DENND2A: variants seen among roughly 807,000 people sequenced by gnomAD.
DENND2A encodes the protein DENN domain containing 2A.
In DENND2A, 53 loss-of-function variants were observed where a neutral mutation model predicts 105.3. The observed-to-expected ratio is 0.50, with a 90% CI of 0.40 to 0.63. DENND2A has a LOEUF of 0.63. Ranked by LOEUF, DENND2A falls within the 30% of genes least tolerant of loss-of-function variation. The pLI, the probability that DENND2A is intolerant of heterozygous loss-of-function variation, is 0.00. For missense variants in DENND2A, 1,138 were observed against 1,279.6 expected (o/e 0.89, Z 1.69); for synonymous variants, 522 against 508.4 (o/e 1.03, Z -0.36).
At chr7:140,536,197 G>T (rs1308389045) in intron 14 of DENND2A, among the ~76,000 whole-genome samples, 2 of 152,020 alleles carry the variant, frequency 1.3e-5, no homozygotes, top group Non-Finnish European at 2.9e-5. Flanking sequence ...TACTAAAAAT[G>T]CAGAAAAATT....
chr7:140,519,613 C>G lies in DENND2A; in HGVS notation c.2998+19G>C. ...GCTCAGAGGCACACAGGCTGGGCAC[C>G]CAGAGCCCGGGGCCTTACCTAGTCC... On this transcript the variant is annotated intron_variant, in intron 19 of 19. Coordinates refer to ENST00000496613, the MANE Select transcript of DENND2A (RefSeq NM_015689.5). 6.2e-7 allele frequency: 1 copy of G among 1,611,568 alleles called. No homozygotes were observed. Among genetic ancestry groups the G allele is most frequent in the Admixed American group, 1.7e-5 (1 of 59,930 alleles).
At chr7:140,558,342 C>T in intron 10 of DENND2A, 130 bp from the exon 11 acceptor site, 1 of 616,120 alleles carries the variant, frequency 1.6e-6, no homozygotes, top group Non-Finnish European at 2.9e-6. Context: ...AGGCCACTCC[C>T]TGTCCCACCT....
rs564194661 is a variant in DENND2A, at chr7:140,577,661, G to A, written c.1246-3653C>T. On this transcript the variant is annotated intron_variant, in intron 5 of 19. Coordinates refer to ENST00000496613, the MANE Select transcript of DENND2A (RefSeq NM_015689.5). ...GATCTGCCTACTGTGGCCTCCCAAA[G>A]TGCTGGGATTATAGGCGTGATCCAC... Among the ~76,000 whole-genome samples, 28 of 152,222 alleles carry A rather than the reference G, an allele frequency of 1.8e-4. No individual in the cohort carries two copies. The South Asian group carries it at 5.2e-3, about 28-fold the overall frequency.
intron 3 of DENND2A, among the ~76,000 whole-genome samples, chr7:140,591,688 T>TC (rs1799031667): frequency 7.2e-6 from 1 of 138,612 alleles, no homozygotes; most frequent in Non-Finnish European, 1.5e-5. Context: ...TTTCTTTCTT[T>TC]CTTTCCTTCC....
chr7:140,602,707 T>C (rs1799559611), intron 2 of DENND2A, among the ~76,000 whole-genome samples, 165 bp from the exon 3 acceptor site: 1 of 152,154 alleles, frequency 6.6e-6, no homozygotes, highest in African/African-American at 2.4e-5. Flanking sequence ...GTGCAGTGGC[T>C]CATGCCTGTA....
At chr7:140,639,511 C>A (rs1801102879) in intron 1 of DENND2A, among the ~76,000 whole-genome samples, 1 of 152,084 alleles carries the variant, frequency 6.6e-6, no homozygotes, top group South Asian at 2.1e-4. Context: ...CCCACGCTGC[C>A]CACCCAGACT....
chr7:140,616,455 T>C (rs1237560279), intron 1 of DENND2A, among the ~76,000 whole-genome samples: 1 of 152,024 alleles, frequency 6.6e-6, no homozygotes, highest in Non-Finnish European at 1.5e-5. Flanking sequence ...AAGAAGTGAC[T>C]GCTAATAGGT....
chr7:140,557,524 TATATA>T (rs1181158016), intron 11 of DENND2A, among the ~76,000 whole-genome samples: 76 of 31,336 alleles, frequency 2.4e-3, no homozygotes, highest in Non-Finnish European at 4.2e-3. Context: ...TATATATATA[TATATA>T]TATTTTTTTT....
chr7:140,558,660 C>T (rs1231247817), intron 10 of DENND2A, among the ~76,000 whole-genome samples: 2 of 144,948 alleles, frequency 1.4e-5, no homozygotes, highest in East Asian at 4.1e-4. Flanking sequence ...CATGCCATTA[C>T]ACTCCAGCCT....
chr7:140,579,509 C>T (rs868728660), intron 5 of DENND2A, among the ~76,000 whole-genome samples: 39 of 151,734 alleles, frequency 2.6e-4, no homozygotes, highest in South Asian at 6.3e-4. Flanking sequence ...TCTCCTGCCT[C>T]AGCCTCCCAA....
chr7:140,639,558 T>C (rs1315521979), intron 1 of DENND2A, among the ~76,000 whole-genome samples: 1 of 152,156 alleles, frequency 6.6e-6, no homozygotes, highest in Non-Finnish European at 1.5e-5. Context: ...TATTTGATGA[T>C]GTAAGGAGAA....
chr7:140,539,910 T>C (rs986672699), intron 14 of DENND2A, among the ~76,000 whole-genome samples: 2 of 152,238 alleles, frequency 1.3e-5, no homozygotes, highest in African/African-American at 4.8e-5. Context: ...GGAGAGCATG[T>C]GGAGCCATTT....
At chr7:140,617,357 C>T (rs1453661198) in intron 1 of DENND2A, among the ~76,000 whole-genome samples, 3 of 152,202 alleles carry the variant, frequency 2.0e-5, no homozygotes. Flanking sequence ...GCCTCAGGAC[C>T]AGGAGCATCA....
In DENND2A at chr7:140,594,749, C is replaced by T. The variant is rs181894746; in HGVS notation, c.995+6654G>A. 5.6e-4 allele frequency among the ~76,000 whole-genome samples: 85 copies of T among 152,196 alleles called. 1 individual carries two copies. Among genetic ancestry groups the T allele is most frequent in the African/African-American group, 1.9e-3 (77 of 41,520 alleles). ...TTTTATTTTATTATTTATTTATTTT[C>T]GCTCTGTCGCCAGGCTGGAGTGCAA... On this transcript the variant is annotated intron_variant, in intron 3 of 19. Coordinates refer to ENST00000496613, the MANE Select transcript of DENND2A (RefSeq NM_015689.5).
At chr7:140,566,942 T>C in intron 9 of DENND2A, 144 bp downstream of exon 9, 1 of 624,570 alleles carries the variant, frequency 1.6e-6, no homozygotes, top group South Asian at 4.6e-5. Context: ...TTTTTTTTCA[T>C]CTGATATACC....
chr7:140,603,531 T>C (rs1207643436), intron 2 of DENND2A, among the ~76,000 whole-genome samples: 3 of 152,226 alleles, frequency 2.0e-5, no homozygotes, highest in Admixed American at 6.5e-5. Context: ...CTCACTAGAG[T>C]GAGCTCTTCA....
Position 140,523,542 on chromosome 7 carries a change from A to G in DENND2A, c.2548-118T>C, listed in dbSNP as rs1795938331. ...CAGTCTCCAGTTTCATGGAAGGAAT[A>G]CAACTGAAAGCCAGAGGTCTGAGGT... On this transcript the variant is annotated intron_variant, in intron 16 of 19. Coordinates refer to ENST00000496613, the MANE Select transcript of DENND2A (RefSeq NM_015689.5). This position sits in a 1 kb window ranked among gnomAD's most constrained non-coding sequence, Gnocchi z 4.5. 3.7e-6 allele frequency: 3 copies of G among 818,376 alleles called. No homozygotes were observed. The highest frequency in any genetic ancestry group is 2.4e-5 in the Admixed American group (1 of 42,038). The allele number at this position is 818,376 out of a possible 1,614,324, so 50.7% of individuals were successfully genotyped here. A position where few individuals can be genotyped will look rare whatever the true frequency, so the allele number is the denominator to read the frequency against.
chr7:140,568,977 T>G (rs1312791530), intron 7 of DENND2A, among the ~76,000 whole-genome samples, 164 bp from the exon 8 acceptor site: 3 of 151,738 alleles, frequency 2.0e-5, no homozygotes, highest in African/African-American at 4.8e-5. Flanking sequence ...CAGGCTGGAG[T>G]GCAGTGGCGC....
At chr7:140,530,080 CT>C (rs2130477398) in intron 14 of DENND2A, among the ~76,000 whole-genome samples, 1 of 142,750 alleles carries the variant, frequency 7.0e-6, no homozygotes, top group South Asian at 2.2e-4. Flanking sequence ...AAAAAATAGC[CT>C]TTGGTGGTGA....
Sources: gnomAD v4.1 joint callset for allele counts (sites outside exome capture counted in the v4.1 genomes callset) on GRCh38, gnomAD v4.1.1 for gene constraint, Gnocchi (gnomAD v3.1) non-coding constraint, MANE v1.5 for transcripts, NCBI Gene and HGNC (gene_info 2026-07-23, HGNC 2026-07-21) for gene names.